CCDC92: variants seen among roughly 807,000 people sequenced by gnomAD.
CCDC92 encodes the protein coiled-coil domain-containing protein 92.
Under a neutral mutation model 24.9 loss-of-function variants are expected in CCDC92, and 12 were observed. The observed-to-expected ratio is 0.48, with a 90% CI of 0.31 to 0.78. CCDC92 has a LOEUF of 0.78. Among genes scored for constraint, CCDC92 ranks in the 30% least tolerant of loss-of-function variants. The probability of loss-of-function intolerance (pLI) is 0.05; values close to 1 mark genes in which losing one functional copy is unlikely to be tolerated. For synonymous variants in CCDC92, 193 were observed against 196.3 expected, an observed-to-expected ratio of 0.98 and a Z score of 0.14; for missense variants, 399 against 439.4, an observed-to-expected ratio of 0.91 and a Z score of 0.82.
chr12:123,955,344 A>C (rs1956125359), intron 1 of CCDC92, among the ~76,000 whole-genome samples: 1 of 152,204 alleles, frequency 6.6e-6, no homozygotes. Flanking sequence ...ATTACTGCCA[A>C]TTTTAATTGT....
In CCDC92 at chr12:123,937,252, T is replaced by G. The variant is rs754952662; in HGVS notation, c.802A>C (p.Ile268Leu). The G allele has an allele frequency of 1.7e-5, 28 of 1,610,986 alleles. No individual in the cohort carries two copies. The highest frequency in any genetic ancestry group is 1.7e-5 in the Non-Finnish European group (20 of 1,179,750). ...IKERPLVIPP[I>L]ASDRSGEQHS... Reference sequence around the variant, plus strand: ...TGCTCGCCGCTTCGGTCGGAGGCGATGGGGGGGATGACGAGGGGCCTCTCT... The same window carrying G: ...TGCTCGCCGCTTCGGTCGGAGGCGAGGGGGGGGATGACGAGGGGCCTCTCT... The change falls in exon 5 of 5, where the codon ATC becomes CTC. Residue 268 changes from isoleucine to leucine, a missense_variant. Transcript: ENST00000238156. This position sits in a 1 kb window ranked among gnomAD's most constrained non-coding sequence, Gnocchi z 8.4.
At chr12:123,962,402 CT>C (rs1956291754) in intron 1 of CCDC92, among the ~76,000 whole-genome samples, 1 of 152,114 alleles carries the variant, frequency 6.6e-6, no homozygotes, top group African/African-American at 2.4e-5. Context: ...TAAATGTTTG[CT>C]TTTTAAATTG....
At chr12:123,964,339 C>T (rs988276625) in intron 1 of CCDC92, among the ~76,000 whole-genome samples, 6 of 146,544 alleles carry the variant, frequency 4.1e-5, no homozygotes, top group African/African-American at 1.5e-4. Flanking sequence ...GTTCTTAGTA[C>T]TTTTAAAGAA....
intron 1 of CCDC92, among the ~76,000 whole-genome samples, chr12:123,955,069 C>T (rs1173346953): frequency 6.6e-6 from 1 of 152,222 alleles, no homozygotes; most frequent in Middle Eastern, 3.2e-3. Context: ...CAGCAGCCCC[C>T]AGTATGACTG....
In CCDC92 at chr12:123,936,893, G is replaced by A. The variant is rs890855096; in HGVS notation, c.*165C>T. 4.1e-5 allele frequency: 30 copies of A among 726,668 alleles called. No homozygotes were observed. The highest frequency in any genetic ancestry group is 6.0e-5 in the Non-Finnish European group (27 of 447,234). 45.0% of individuals were successfully genotyped at this position (726,668 alleles called of 1,614,324 possible). A position where few individuals can be genotyped will look rare whatever the true frequency, so the allele number is the denominator to read the frequency against. The stretch of plus-strand genomic sequence containing the variant: ...AATACATATTCTGCGGCAGGGACAC[G>A]ATCATATTTTGGTGTGAAGAAGAGG... On this transcript the variant is annotated 3_prime_UTR_variant, in exon 5 of 5. Coordinates refer to ENST00000238156, the MANE Select transcript of CCDC92 (RefSeq NM_025140.3).
intron 1 of CCDC92, among the ~76,000 whole-genome samples, chr12:123,952,115 C>T (rs1956040485): frequency 6.6e-6 from 1 of 152,158 alleles, no homozygotes; most frequent in South Asian, 2.1e-4. Flanking sequence ...CTAAAAGCAA[C>T]CAGGACGGGC....
In CCDC92 at chr12:123,936,419, A is replaced by C. The variant is rs1279376060; in HGVS notation, c.*639T>G. ...CAAAACAGAAGGAAGGCAGGTTTAG[A>C]AAATAAAGTTTGTTGGGATCTTAAA... On this transcript the variant is annotated 3_prime_UTR_variant, in exon 5 of 5. Coordinates refer to ENST00000238156, the MANE Select transcript of CCDC92 (RefSeq NM_025140.3). 4.6e-5 allele frequency: 7 copies of C among 152,896 alleles called. No homozygotes were observed. The highest frequency in any genetic ancestry group is 8.8e-5 in the Non-Finnish European group (6 of 68,328). The allele number at this position is 152,896 out of a possible 1,614,324, so 9.5% of individuals were successfully genotyped here. A position where few individuals can be genotyped will look rare whatever the true frequency, so the allele number is the denominator to read the frequency against.
At chr12:123,939,464 T>C (rs1389549766) in intron 4 of CCDC92, among the ~76,000 whole-genome samples, 2 of 151,520 alleles carry the variant, frequency 1.3e-5, no homozygotes, top group East Asian at 3.8e-4. Flanking sequence ...CCAATGTAAG[T>C]TGAAAATACC....
rs143516303 is a variant in CCDC92 at position 123,936,686 on chromosome 12, G to A, written c.*372C>T. Reference sequence around the variant, plus strand: ...GGCTGCCCTGGAGCTTGAGGATAAGGTCAAGGTTGGTATGTGTTGCTCCGA... The same window carrying A: ...GGCTGCCCTGGAGCTTGAGGATAAGATCAAGGTTGGTATGTGTTGCTCCGA... On this transcript the variant is annotated 3_prime_UTR_variant, in exon 5 of 5. Coordinates refer to ENST00000238156, the MANE Select transcript of CCDC92 (RefSeq NM_025140.3). 317 of 289,830 alleles carry A rather than the reference G, an allele frequency of 1.1e-3. 2 individuals carry two copies. The highest frequency in any genetic ancestry group is 6.4e-3 in the African/African-American group (290 of 45,218). The allele number at this position is 289,830 out of a possible 1,614,324, so 18.0% of individuals were successfully genotyped here.
intron 1 of CCDC92, chr12:123,945,720 GA>G (rs1444309747): frequency 2.0e-5 from 3 of 152,356 alleles, no homozygotes; most frequent in African/African-American, 7.2e-5. Context: ...GCTGAATCCC[GA>G]AGAGCTGAAA....
chr12:123,956,791 T>C (rs1389269716), intron 1 of CCDC92, among the ~76,000 whole-genome samples: 1 of 152,070 alleles, frequency 6.6e-6, no homozygotes, highest in Non-Finnish European at 1.5e-5. Context: ...ATTAACCCAG[T>C]CAAAATAAAT....
rs376352407 is a variant in CCDC92, at chr12:123,942,733, G to A, written c.223+11C>T. The A allele has an allele frequency of 2.2e-5, 35 of 1,603,296 alleles. No homozygotes were observed. Among genetic ancestry groups the A allele is most frequent in the African/African-American group, 5.4e-5 (4 of 74,738 alleles). ...ACCTACTGTCATTTACTTCTGGGGA[G>A]GAGTTCTTACCTGTCTGTTCCGAAC... On this transcript the variant is annotated intron_variant, in intron 4 of 4. Coordinates refer to ENST00000238156, the MANE Select transcript of CCDC92 (RefSeq NM_025140.3).
At position 123,937,075 on chromosome 12, in the gene CCDC92, T is replaced by C. The variant is rs1955521136; in HGVS notation, c.979A>G (p.Thr327Ala). Residue 327 changes from threonine to alanine, a missense_variant, in exon 5 of 5, where the codon ACG becomes GCG. By Grantham distance (58) the Thr-to-Ala change is moderately conservative. Transcript: ENST00000238156. The surrounding 1 kb of genome is among the most constrained non-coding windows in gnomAD (Gnocchi z 8.4). ...GGKVVRKHSGTDRTV is the reference protein window; with the variant it reads ...GGKVVRKHSGADRTV The stretch of plus-strand genomic sequence containing the variant: ...GGCGGGCTTCACACAGTTCTGTCCG[T>C]CCCTGAGTGCTTCCTCACCACCTTG... The C allele has an allele frequency of 6.2e-7, 1 of 1,613,918 alleles. No individual in the cohort carries two copies. Among genetic ancestry groups the C allele is most frequent in the African/African-American group, 1.3e-5 (1 of 75,030 alleles).
chr12:123,953,888 G>A (rs1307545830), intron 1 of CCDC92, among the ~76,000 whole-genome samples: 1 of 152,144 alleles, frequency 6.6e-6, no homozygotes. Context: ...CCCAGGAGGC[G>A]GAGGTTGCAG....
intron 1 of CCDC92, among the ~76,000 whole-genome samples, chr12:123,969,636 G>A (rs1203297261): frequency 2.6e-5 from 4 of 151,720 alleles, no homozygotes; most frequent in African/African-American, 7.3e-5. Context: ...GCTAATTTTT[G>A]TATTTTTAGT....
intron 1 of CCDC92, among the ~76,000 whole-genome samples, chr12:123,957,614 A>G (rs1023548554): frequency 6.6e-6 from 1 of 152,104 alleles, no homozygotes; most frequent in Non-Finnish European, 1.5e-5. Context: ...GAAAATCATT[A>G]ATCAAAATAG....
chr12:123,936,998 C>CT lies in CCDC92; in HGVS notation c.*59dup, dbSNP rs1955517094. 3.2e-6 allele frequency: 5 copies of CT among 1,584,430 alleles called. No individual in the cohort carries two copies. The highest frequency in any genetic ancestry group is 4.3e-6 in the Non-Finnish European group (5 of 1,160,472). ...ATGGGATTAAACAGAAAAGGTGTGGCTGAGATTTCCCAGTGGTGCTCACAG... is the reference window on the plus strand; with the variant it reads ...ATGGGATTAAACAGAAAAGGTGTGGCTTGAGATTTCCCAGTGGTGCTCACAG... On this transcript the variant is annotated 3_prime_UTR_variant, in exon 5 of 5. Transcript: ENST00000238156.
rs749090695 is a variant in CCDC92 at position 123,936,842 on chromosome 12, C to G, written c.*216G>C. On this transcript the variant is annotated 3_prime_UTR_variant, in exon 5 of 5. Transcript: ENST00000238156. ...GATCAGAAGCAAGCGATTCGGCACA[C>G]AGGCGTTTGGCCACAGCAATTAGGA... 1.1e-5 allele frequency: 7 copies of G among 624,992 alleles called. No homozygotes were observed. Among genetic ancestry groups the G allele is most frequent in the Non-Finnish European group, 1.9e-5 (7 of 361,042 alleles). The allele number at this position is 624,992 out of a possible 1,614,324, so 38.7% of individuals were successfully genotyped here.
At chr12:123,959,053 C>T (rs1414387399) in intron 1 of CCDC92, among the ~76,000 whole-genome samples, 1 of 152,186 alleles carries the variant, frequency 6.6e-6, no homozygotes, top group African/African-American at 2.4e-5. Context: ...AGGATTAACC[C>T]CCAGGCTCTG....
Sources: gnomAD v4.1 joint callset for allele counts (sites outside exome capture counted in the v4.1 genomes callset) on GRCh38, gnomAD v4.1.1 for gene constraint, Gnocchi (gnomAD v3.1) non-coding constraint, MANE v1.5 for transcripts, NCBI Gene and HGNC (gene_info 2026-07-23, HGNC 2026-07-21) for gene names.